Variants in RSPO2 observed in about 807,000 individuals in gnomAD.
RSPO2 encodes R-spondin 2.
A neutral mutation model predicts 30.9 loss-of-function variants in RSPO2; 14 were observed. The ratio of observed to expected loss-of-function variants is 0.45; its 90% CI spans 0.30 to 0.71. The LOEUF (loss-of-function observed/expected upper bound fraction) is 0.71, where lower values mean the gene tolerates loss of function less well. Among genes scored for constraint, RSPO2 ranks in the 30% least tolerant of loss-of-function variants. The pLI, the probability that RSPO2 is intolerant of heterozygous loss-of-function variation, is 0.08. For synonymous variants in RSPO2, 107 were observed against 96.4 expected, an observed-to-expected ratio of 1.11 and a Z score of -0.64; for missense variants, 264 against 301.9, an observed-to-expected ratio of 0.87 and a Z score of 0.93.
chr8:107,932,670 G>A (rs533700092), intron 5 of RSPO2, among the ~76,000 whole-genome samples: 15 of 152,190 alleles, frequency 9.9e-5, no homozygotes, highest in South Asian at 8.3e-4. Flanking sequence ...ATACAAGTCG[G>A]TACAATGTTT....
intron 5 of RSPO2, among the ~76,000 whole-genome samples, chr8:107,955,283 C>A (rs181916330): frequency 1.2e-4 from 18 of 152,244 alleles, no homozygotes; most frequent in African/African-American, 4.1e-4. Flanking sequence ...ACCTATCCCC[C>A]CCTAAATCCT....
intron 2 of RSPO2, among the ~76,000 whole-genome samples, chr8:108,053,261 T>C (rs1056436348): frequency 6.6e-6 from 1 of 152,124 alleles, no homozygotes; most frequent in Non-Finnish European, 1.5e-5. Flanking sequence ...AGAAACTTCA[T>C]CAGCAGAAGT....
At chr8:108,069,943 C>T (rs939465905) in intron 2 of RSPO2, among the ~76,000 whole-genome samples, 37 of 152,256 alleles carry the variant, frequency 2.4e-4, no homozygotes, top group African/African-American at 8.9e-4. Context: ...AGTCTAGCAA[C>T]CCATTAAAGA....
chr8:107,990,588 A>C (rs1027331835), intron 2 of RSPO2, among the ~76,000 whole-genome samples: 3 of 152,234 alleles, frequency 2.0e-5, no homozygotes, highest in Non-Finnish European at 2.9e-5. Flanking sequence ...TTCCATGCTC[A>C]TGGATAGAAG....
chr8:108,053,161 A>G (rs1199657907), intron 2 of RSPO2, among the ~76,000 whole-genome samples: 1 of 152,142 alleles, frequency 6.6e-6, no homozygotes, highest in Non-Finnish European at 1.5e-5. Context: ...CTGCCACTCC[A>G]CAATCTGTCC....
At chr8:107,925,389 TTTTATA>T (rs1812329307) in intron 5 of RSPO2, among the ~76,000 whole-genome samples, 1 of 151,280 alleles carries the variant, frequency 6.6e-6, no homozygotes, top group Non-Finnish European at 1.5e-5. Flanking sequence ...GTTTTTTTTC[TTTTATA>T]TATATATTTA....
At chr8:107,950,932 A>C (rs758365790) in intron 5 of RSPO2, among the ~76,000 whole-genome samples, 2 of 152,154 alleles carry the variant, frequency 1.3e-5, no homozygotes, top group South Asian at 2.1e-4. Flanking sequence ...AGGTTAATCT[A>C]GTAGCTAGAG....
chr8:108,053,766 T>C (rs1812149251), intron 2 of RSPO2, among the ~76,000 whole-genome samples: 1 of 152,178 alleles, frequency 6.6e-6, no homozygotes, highest in Non-Finnish European at 1.5e-5. Flanking sequence ...TGGTGTGAAA[T>C]CACTGCCCTA....
Position 107,958,283 on chromosome 8 carries a change from T to TA in RSPO2, c.428-16dup. The TA allele has an allele frequency of 1.3e-6, 2 of 1,591,470 alleles. No homozygotes were observed. Among genetic ancestry groups the TA allele is most frequent in the African/African-American group, 1.4e-5 (1 of 73,408 alleles). On this transcript the variant is annotated splice_polypyrimidine_tract_variant and intron_variant, in intron 4 of 5. Coordinates refer to ENST00000276659, the MANE Select transcript of RSPO2 (RefSeq NM_178565.5). The stretch of plus-strand genomic sequence containing the variant: ...TTCACATCCTTCTAGTAAAGATTTT[T>TA]AGAAAAAGAAAAAAAAACACAAGCA...
At chr8:108,005,126 C>T (rs1815407816) in intron 2 of RSPO2, among the ~76,000 whole-genome samples, 1 of 152,046 alleles carries the variant, frequency 6.6e-6, no homozygotes, top group African/African-American at 2.4e-5. Context: ...TCTGATGTTC[C>T]CTCATGACTG....
At chr8:107,957,810 C>T (rs1303478703) in intron 5 of RSPO2, among the ~76,000 whole-genome samples, 1 of 152,184 alleles carries the variant, frequency 6.6e-6, no homozygotes, top group Non-Finnish European at 1.5e-5. Flanking sequence ...GCCACCAAAA[C>T]ACATTTAGAA....
At chr8:108,062,497 A>C (rs1812502964) in intron 2 of RSPO2, among the ~76,000 whole-genome samples, 1 of 151,852 alleles carries the variant, frequency 6.6e-6, no homozygotes, top group African/African-American at 2.4e-5. Context: ...GAAGAAGTTA[A>C]ATCCCTGAAT....
chr8:108,017,492 T>C (rs1038983750), intron 2 of RSPO2, among the ~76,000 whole-genome samples: 1 of 152,164 alleles, frequency 6.6e-6, no homozygotes, highest in African/African-American at 2.4e-5. Flanking sequence ...ATACTTCTCT[T>C]CCATAGCAGC....
chr8:108,064,540 T>C (rs1373300955), intron 2 of RSPO2, among the ~76,000 whole-genome samples: 2 of 152,150 alleles, frequency 1.3e-5, no homozygotes, highest in Admixed American at 1.3e-4. Context: ...CTGGAGAGGA[T>C]GTGGAGAAAT....
chr8:108,001,704 C>T (rs1815253529), intron 2 of RSPO2, among the ~76,000 whole-genome samples: 1 of 151,996 alleles, frequency 6.6e-6, no homozygotes, highest in Non-Finnish European at 1.5e-5. Context: ...AGGGAAGAAT[C>T]ACATCCTAAG....
In RSPO2 at chr8:107,994,389, C is replaced by CT. The variant is rs544398028; in HGVS notation, c.95-5146dup. 1.6e-3 allele frequency among the ~76,000 whole-genome samples: 239 copies of CT among 151,432 alleles called. 1 individual carries two copies. The highest frequency in any genetic ancestry group is 2.5e-3 in the Non-Finnish European group (167 of 67,778). On this transcript the variant is annotated intron_variant, in intron 2 of 5. Coordinates refer to ENST00000276659, the MANE Select transcript of RSPO2 (RefSeq NM_178565.5). Reference sequence around the variant, plus strand: ...TTACTCACCAGTAAGATATTATTTACTTTTTTTTTCCAAACAGAAATATCC... The same window carrying CT: ...TTACTCACCAGTAAGATATTATTTACTTTTTTTTTTCCAAACAGAAATATCC...
At chr8:108,031,014 A>G (rs1811402483) in intron 2 of RSPO2, among the ~76,000 whole-genome samples, 2 of 152,298 alleles carry the variant, frequency 1.3e-5, no homozygotes, top group African/African-American at 4.8e-5. Context: ...GATCAAGATG[A>G]CTACTTTATA....
intron 2 of RSPO2, among the ~76,000 whole-genome samples, chr8:108,017,208 G>A (rs1310737857): frequency 1.3e-5 from 2 of 151,934 alleles, no homozygotes; most frequent in East Asian, 1.9e-4. Context: ...TAGTAGAGAC[G>A]GGGTTTCACC....
intron 2 of RSPO2, among the ~76,000 whole-genome samples, chr8:108,030,476 G>A (rs1811385172): frequency 6.6e-6 from 1 of 152,160 alleles, no homozygotes; most frequent in African/African-American, 2.4e-5. Context: ...ATTGACTAGT[G>A]GATGCCCAGG....
Sources: gnomAD v4.1 joint callset for allele counts (sites outside exome capture counted in the v4.1 genomes callset) on GRCh38, gnomAD v4.1.1 for gene constraint, MANE v1.5 for transcripts, NCBI Gene and HGNC (gene_info 2026-07-23, HGNC 2026-07-21) for gene names.